The following SLC44A5 variants were observed in gnomAD, a reference collection of about 807,000 sequenced individuals.
SLC44A5 encodes choline transporter-like protein 5.
In SLC44A5, 57 loss-of-function variants were observed where a neutral mutation model predicts 101.8. That is an observed-to-expected ratio of 0.56 (90% CI 0.45 to 0.70). SLC44A5 has a LOEUF of 0.70. Ranked by LOEUF, SLC44A5 falls within the 30% of genes least tolerant of loss-of-function variation. The pLI, the probability that SLC44A5 is intolerant of heterozygous loss-of-function variation, is 0.00. For missense variants in SLC44A5, 737 were observed against 853.1 expected, an observed-to-expected ratio of 0.86 and a Z score of 1.70; for synonymous variants, 281 against 290.9, an observed-to-expected ratio of 0.97 and a Z score of 0.35.
intron 3 of SLC44A5, among the ~76,000 whole-genome samples, chr1:75,361,553 T>A (rs543448520): frequency 6.0e-4 from 92 of 152,178 alleles, no homozygotes; most frequent in African/African-American, 2.1e-3. Flanking sequence ...GTTTTTATCA[T>A]AATAGGGTGT....
At chr1:75,323,996 T>C (rs547712418) in intron 4 of SLC44A5, among the ~76,000 whole-genome samples, 123 of 152,326 alleles carry the variant, frequency 8.1e-4, no homozygotes, top group Admixed American at 3.2e-3. Context: ...AATGAATAGT[T>C]AAGCAGAACA....
the SLC44A5 span, among the ~76,000 whole-genome samples, chr1:75,631,694 G>A: frequency 0.016 from 2,396 of 151,770 alleles, 78 homozygotes; most frequent in African/African-American, 0.053. Flanking sequence ...ACTCCACTGC[G>A]CCCAGCTAAT....
chr1:75,502,866 C>T (rs115362626), intron 2 of SLC44A5, among the ~76,000 whole-genome samples: 1,997 of 152,256 alleles, frequency 0.013, 17 homozygotes, highest in Non-Finnish European at 0.019. Context: ...AGGCCTCGCA[C>T]TGGGAACTTA....
intron 5 of SLC44A5, among the ~76,000 whole-genome samples, chr1:75,292,203 C>T (rs565314719): frequency 6.6e-5 from 10 of 151,834 alleles, no homozygotes; most frequent in Non-Finnish European, 1.2e-4. Context: ...TTTTCCTGGA[C>T]GAGGTCTAGG....
At chr1:75,214,028 A>C in intron 20 of SLC44A5, 39 bp from the exon 21 acceptor site, 1 of 1,275,956 alleles carries the variant, frequency 7.8e-7, no homozygotes, top group East Asian at 2.3e-5. Context: ...TTCTGTGTTT[A>C]AAATATACTT....
At chr1:75,318,164 G>C (rs1343654310) in intron 4 of SLC44A5, among the ~76,000 whole-genome samples, 1 of 152,048 alleles carries the variant, frequency 6.6e-6, no homozygotes, top group Non-Finnish European at 1.5e-5. Context: ...ATCACTTGAG[G>C]CCATAGTTTC....
chr1:75,330,189 G>GTATATATGCATATATATACA (rs149894469), intron 4 of SLC44A5, among the ~76,000 whole-genome samples: 8 of 84,720 alleles, frequency 9.4e-5, no homozygotes, highest in Admixed American at 5.0e-4. Flanking sequence ...ATATATATAC[G>GTATATATGCATATATATACA]TATATGCATA....
At chr1:75,597,822 T>C (rs1422891010) in intron 1 of SLC44A5, among the ~76,000 whole-genome samples, 4 of 151,974 alleles carry the variant, frequency 2.6e-5, no homozygotes, top group Non-Finnish European at 4.4e-5. Context: ...ATATAAAACC[T>C]AAAAGTATAA....
intron 19 of SLC44A5, among the ~76,000 whole-genome samples, chr1:75,215,251 T>A (rs1646937506): frequency 1.8e-5 from 1 of 55,394 alleles, no homozygotes; most frequent in South Asian, 7.7e-4. Flanking sequence ...TATTTCTGGA[T>A]CCCTTATGTT....
At chr1:75,536,473 C>T (rs550660865) in intron 2 of SLC44A5, among the ~76,000 whole-genome samples, 3 of 150,848 alleles carry the variant, frequency 2.0e-5, no homozygotes, top group East Asian at 2.0e-4. Context: ...TGGTGGCGGG[C>T]GCCTGTAGTC....
chr1:75,258,048 C>T (rs1047857786), intron 6 of SLC44A5, among the ~76,000 whole-genome samples: 1 of 152,138 alleles, frequency 6.6e-6, no homozygotes, highest in Non-Finnish European at 1.5e-5. Flanking sequence ...TCGCAACCCG[C>T]AGACCAGAAG....
chr1:75,336,399 C>T (rs1253367257), intron 4 of SLC44A5, among the ~76,000 whole-genome samples: 6 of 152,156 alleles, frequency 3.9e-5, no homozygotes, highest in East Asian at 1.9e-4. Context: ...ACTGATCTGC[C>T]GGCCTCAGCC....
At chr1:75,655,258 C>T in the SLC44A5 span, among the ~76,000 whole-genome samples, 4 of 152,144 alleles carry the variant, frequency 2.6e-5, no homozygotes, top group Admixed American at 1.3e-4. Flanking sequence ...CACAATGTAC[C>T]TGTGTAACAA....
intron 3 of SLC44A5, among the ~76,000 whole-genome samples, chr1:75,383,478 A>G (rs1443187935): frequency 6.6e-6 from 1 of 152,218 alleles, no homozygotes; most frequent in East Asian, 1.9e-4. Flanking sequence ...GAAATGAATG[A>G]AATGAAGCGA....
intron 2 of SLC44A5, among the ~76,000 whole-genome samples, chr1:75,417,656 G>A (rs1323364330): frequency 6.6e-6 from 1 of 152,216 alleles, no homozygotes; most frequent in African/African-American, 2.4e-5. Context: ...GTGTCATGTT[G>A]ACGTTGGATA....
At chr1:75,502,405 G>GT (rs1557852796) in intron 2 of SLC44A5, among the ~76,000 whole-genome samples, 1 of 152,152 alleles carries the variant, frequency 6.6e-6, no homozygotes, top group African/African-American at 2.4e-5. Flanking sequence ...AGCCAGCAGC[G>GT]TTTTACCTTA....
intron 2 of SLC44A5, among the ~76,000 whole-genome samples, chr1:75,497,640 C>T (rs1461902793): frequency 6.6e-6 from 1 of 152,010 alleles, no homozygotes; most frequent in African/African-American, 2.4e-5. Context: ...GGTGTTCTTA[C>T]CATACACACA....
intron 12 of SLC44A5, 29 bp downstream of exon 12, chr1:75,233,957 T>C (rs529196221): frequency 6.9e-7 from 1 of 1,441,934 alleles, no homozygotes; most frequent in Non-Finnish European, 9.7e-7. Context: ...ATTCTGATAT[T>C]TGATAATTTG....
At chr1:75,632,435 G>T in the SLC44A5 span, among the ~76,000 whole-genome samples, 1 of 151,800 alleles carries the variant, frequency 6.6e-6, no homozygotes, top group Admixed American at 6.6e-5. Context: ...TTCAAACAAG[G>T]ATCATCCTGA....
Sources: gnomAD v4.1 joint callset for allele counts (sites outside exome capture counted in the v4.1 genomes callset) on GRCh38, gnomAD v4.1.1 for gene constraint, MANE v1.5 for transcripts, NCBI Gene and HGNC (gene_info 2026-07-23, HGNC 2026-07-21) for gene names.